The following KIAA1549L variants were observed in gnomAD, a reference collection of about 807,000 sequenced individuals.
The protein encoded by KIAA1549L is KIAA1549 like, also known as UPF0606 protein KIAA1549L.
KIAA1549L carries 88 observed loss-of-function variants against 160.7 expected under a neutral mutation model. That is an observed-to-expected ratio of 0.55 (90% CI 0.46 to 0.65). KIAA1549L has a LOEUF of 0.65. Among genes scored for constraint, KIAA1549L ranks in the 30% least tolerant of loss-of-function variants. KIAA1549L has a pLI of 0.00. For synonymous variants in KIAA1549L, 950 were observed against 976.7 expected (o/e 0.97, Z 0.51); for missense variants, 2,258 against 2,437.5 (o/e 0.93, Z 1.55).
chr11:33,410,321 G>A (rs375751432), intron 1 of KIAA1549L, among the ~76,000 whole-genome samples: 2 of 152,190 alleles, frequency 1.3e-5, no homozygotes, highest in South Asian at 2.1e-4. Context: ...GACCGCATTT[G>A]TAAGTGGGAA....
At chr11:33,597,745 G>A (rs1445882215) in intron 12 of KIAA1549L, among the ~76,000 whole-genome samples, 1 of 152,142 alleles carries the variant, frequency 6.6e-6, no homozygotes, top group African/African-American at 2.4e-5. Flanking sequence ...AAGGCTCTGT[G>A]ACTTGCCCTG....
At chr11:33,495,696 C>T (rs1020592740) in intron 1 of KIAA1549L, among the ~76,000 whole-genome samples, 20 of 152,130 alleles carry the variant, frequency 1.3e-4, no homozygotes, top group African/African-American at 3.9e-4. Context: ...CCTGAGGAAT[C>T]GCCACACCGA....
At chr11:33,632,605 A>G (rs1851327667) in intron 16 of KIAA1549L, among the ~76,000 whole-genome samples, 2 of 151,970 alleles carry the variant, frequency 1.3e-5, no homozygotes. Flanking sequence ...AGAGAGACAG[A>G]TCTTGCTCTG....
chr11:33,561,857 A>G, intron 8 of KIAA1549L, 122 bp downstream of exon 8: 1 of 706,868 alleles, frequency 1.4e-6, no homozygotes, highest in African/African-American at 1.8e-5. Flanking sequence ...TAAGTCAGGA[A>G]GTTACTTCTA....
At position 33,668,116 on chromosome 11, in the gene KIAA1549L, G is replaced by T; in HGVS notation, c.6403G>T (p.Ala2135Ser). ...CATCCGGGAGGAGGTGGCCAAGCTG[G>T]CCAAAAAACAGACAGACATGTTTGA... The part of the protein sequence containing the change: ...KAIREEVAKL[A>S]KKQTDMFEFQ... The change falls in exon 21 of 21, where the codon GCC (alanine) becomes TCC (serine). Residue 2135 changes from alanine (A) to serine (S), a missense_variant. Ala to Ser is a moderately conservative substitution (Grantham distance 99). This residue lies in a region of KIAA1549L where 1,359 missense variants were observed against 1,546.6 expected (regional missense o/e 0.88). Transcript: ENST00000658780. 1.2e-6 allele frequency: 2 copies of T among 1,613,868 alleles called. No homozygotes were observed. The highest frequency in any genetic ancestry group is 1.7e-6 in the Non-Finnish European group (2 of 1,179,840).
chr11:33,469,913 G>T (rs1019055693), intron 1 of KIAA1549L, among the ~76,000 whole-genome samples: 1 of 152,120 alleles, frequency 6.6e-6, no homozygotes, highest in Non-Finnish European at 1.5e-5. Context: ...ATATATTCTA[G>T]ATACAAGCGT....
intron 1 of KIAA1549L, among the ~76,000 whole-genome samples, chr11:33,406,856 G>C (rs771084053): frequency 6.6e-6 from 1 of 152,158 alleles, no homozygotes; most frequent in Admixed American, 6.5e-5. Flanking sequence ...TGTCGGATGA[G>C]GTCTTTTGGC....
chr11:33,612,973 A>T (rs1428056094), intron 15 of KIAA1549L, among the ~76,000 whole-genome samples: 1 of 152,140 alleles, frequency 6.6e-6, no homozygotes, highest in East Asian at 1.9e-4. Flanking sequence ...CATGGTGTAT[A>T]TGTATCACAT....
chr11:33,571,048 G>A (rs1197903333), intron 9 of KIAA1549L, among the ~76,000 whole-genome samples: 1 of 152,220 alleles, frequency 6.6e-6, no homozygotes, highest in Non-Finnish European at 1.5e-5. Context: ...ACTTTGGGAG[G>A]CCAAGGCAGG....
chr11:33,460,993 G>C (rs2615914), intron 1 of KIAA1549L, among the ~76,000 whole-genome samples: 3 of 152,112 alleles, frequency 2.0e-5, no homozygotes, highest in Non-Finnish European at 4.4e-5. Context: ...TTATTTATCT[G>C]TATTTTCTAA....
chr11:33,407,710 ACT>A (rs1484115721), intron 1 of KIAA1549L, among the ~76,000 whole-genome samples: 1 of 152,018 alleles, frequency 6.6e-6, no homozygotes, highest in Non-Finnish European at 1.5e-5. Context: ...TACAGAGAAG[ACT>A]CTAATGAGGG....
chr11:33,592,472 A>G (rs929156540), intron 12 of KIAA1549L, among the ~76,000 whole-genome samples: 2 of 152,050 alleles, frequency 1.3e-5, no homozygotes, highest in African/African-American at 2.4e-5. Context: ...TGCGTTGTCA[A>G]CTCCCTTGTT....
chr11:33,428,922 G>T (rs958418229), intron 1 of KIAA1549L, among the ~76,000 whole-genome samples: 4 of 152,194 alleles, frequency 2.6e-5, no homozygotes, highest in African/African-American at 9.7e-5. Context: ...CACCAACAGT[G>T]TAAAAGTGTT....
intron 1 of KIAA1549L, among the ~76,000 whole-genome samples, chr11:33,378,130 C>T (rs1849994573): frequency 6.6e-6 from 1 of 152,174 alleles, no homozygotes; most frequent in African/African-American, 2.4e-5. Flanking sequence ...AAGATAAGGC[C>T]TGAGAAAGAC....
intron 1 of KIAA1549L, among the ~76,000 whole-genome samples, chr11:33,423,129 TA>T (rs1376674040): frequency 1.3e-5 from 2 of 152,208 alleles, no homozygotes; most frequent in African/African-American, 2.4e-5. Flanking sequence ...AATGTGTATA[TA>T]AAAAACTATG....
rs774184020 is a variant in KIAA1549L at position 33,542,764 on chromosome 11, G to T, written c.1201G>T (p.Val401Leu). ...AGVPGRVHNG[V>L]SLPTFKNTET... ...GGTGCCTGGAAGAGTGCACAATGGG[G>T]TGTCTTTGCCAACTTTTAAGAATAC... Residue 401 changes from valine to leucine, a missense_variant, in exon 2 of 21, where the codon GTG becomes TTG. Physicochemically the swap from Val to Leu is conservative, Grantham distance 32. Coordinates refer to ENST00000658780, the MANE Select transcript of KIAA1549L (RefSeq NM_012194.3). The T allele has an allele frequency of 6.2e-6, 10 of 1,613,824 alleles. No individual in the cohort carries two copies. The Admixed American group carries it at 1.5e-4, about 24-fold the overall frequency.
At chr11:33,640,042 G>T (rs563428763) in intron 16 of KIAA1549L, among the ~76,000 whole-genome samples, 28 of 152,070 alleles carry the variant, frequency 1.8e-4, no homozygotes, top group Admixed American at 1.8e-3. Context: ...AATTAAAAAG[G>T]TTTCAAAATA....
intron 10 of KIAA1549L, 49 bp from the exon 11 acceptor site, chr11:33,583,289 T>A (rs1565197161): frequency 1.3e-6 from 2 of 1,547,066 alleles, no homozygotes; most frequent in South Asian, 2.4e-5. Flanking sequence ...GTTGCTTTCC[T>A]CTTCCCAGTG....
At chr11:33,471,105 C>T (rs550977366) in intron 1 of KIAA1549L, among the ~76,000 whole-genome samples, 60 of 152,174 alleles carry the variant, frequency 3.9e-4, no homozygotes, top group Non-Finnish European at 7.8e-4. Context: ...ACACGCATGC[C>T]GCTGCACCTG....
Sources: gnomAD v4.1 joint callset for allele counts (sites outside exome capture counted in the v4.1 genomes callset) on GRCh38, gnomAD v4.1.1 for gene constraint, gnomAD v4.1.1 regional missense constraint, MANE v1.5 for transcripts, NCBI Gene and HGNC (gene_info 2026-07-23, HGNC 2026-07-21) for gene names.